The following KLRF1 variants were observed in gnomAD, a reference collection of about 807,000 sequenced individuals.
KLRF1 encodes the protein killer cell lectin like receptor F1, also known as killer cell lectin-like receptor subfamily F member 1.
KLRF1 carries 27 observed loss-of-function variants against 30.7 expected under a neutral mutation model. That is an observed-to-expected ratio of 0.88 (90% CI 0.65 to 1.21). The LOEUF is 1.21. Ranked by LOEUF, KLRF1 falls within the 50% of genes most tolerant of loss-of-function variation. KLRF1 has a pLI of 0.00. For synonymous variants in KLRF1, 92 were observed against 89.3 expected (o/e 1.03, Z -0.17); for missense variants, 246 against 259.3 (o/e 0.95, Z 0.35).
the KLRF1 span, among the ~76,000 whole-genome samples, chr12:9,801,300 A>G: frequency 1.3e-5 from 2 of 152,038 alleles, no homozygotes; most frequent in African/African-American, 2.4e-5. Flanking sequence ...TGGTGCTGCA[A>G]TAGACATATG....
chr12:9,828,594 T>C (rs115679623), intron 1 of KLRF1, among the ~76,000 whole-genome samples: 1,710 of 152,312 alleles, frequency 0.011, 31 homozygotes, highest in African/African-American at 0.039. Context: ...TTATAGAGAC[T>C]GTCTGTTCTG....
At chr12:9,826,941 T>C (rs1867292640), upstream of KLRF1, among the ~76,000 whole-genome samples, 1 of 151,980 alleles carries the variant, frequency 6.6e-6, no homozygotes, top group South Asian at 2.1e-4. Flanking sequence ...AATACCTGGG[T>C]GATGAAATAA....
intron 1 of KLRF1, among the ~76,000 whole-genome samples, chr12:9,829,147 G>A (rs1481134130): frequency 6.6e-6 from 1 of 152,100 alleles, no homozygotes; most frequent in Admixed American, 6.5e-5. Context: ...GTGATAGTAA[G>A]AAATTACATA....
At chr12:9,819,235 T>C in the KLRF1 span, among the ~76,000 whole-genome samples, 1 of 151,938 alleles carries the variant, frequency 6.6e-6, no homozygotes, top group Non-Finnish European at 1.5e-5. Flanking sequence ...CCAGCAAAAG[T>C]GGCTGGGAAT....
chr12:9,840,394 T>C (rs921785025), intron 3 of KLRF1, among the ~76,000 whole-genome samples: 1 of 152,118 alleles, frequency 6.6e-6, no homozygotes, highest in Admixed American at 6.6e-5. Context: ...AAGAGACAGA[T>C]TGTAATGGGC....
the KLRF1 span, among the ~76,000 whole-genome samples, chr12:9,805,898 G>C: frequency 1.3e-5 from 2 of 151,710 alleles, no homozygotes; most frequent in African/African-American, 4.8e-5. Context: ...TCCTGATTTT[G>C]GTGGTATTTT....
At chr12:9,842,581 G>T in intron 5 of KLRF1, 148 bp downstream of exon 5, 1 of 601,438 alleles carries the variant, frequency 1.7e-6, no homozygotes, top group South Asian at 4.5e-5. Context: ...GAGTAATGAT[G>T]GATAGTTTGA....
chr12:9,841,907 G>C lies in KLRF1; in HGVS notation c.430G>C (p.Glu144Gln). The change falls in exon 4 of 6, where the codon GAA (glutamate) becomes CAA (glutamine). Residue 144 changes from glutamate to glutamine, a missense_variant. Glu to Gln is a conservative substitution (Grantham distance 29). Transcript: ENST00000617889. ...SWSDSYVYCL[E>Q]RKSHLLIIHD... The stretch of plus-strand genomic sequence containing the variant: ...GAGTGACAGTTATGTGTATTGTTTG[G>C]AAAGAAAATCTCATCTACTAATCAT... The C allele has an allele frequency of 1.2e-6, 2 of 1,612,252 alleles. No homozygotes were observed. The highest frequency in any genetic ancestry group is 3.3e-5 in the Admixed American group (2 of 59,872).
chr12:9,844,569 T>G lies in KLRF1; in HGVS notation c.*43T>G, dbSNP rs1867772202. ...AGTGAAATAATCAATGATCACTATT[T>G]TTGGCCTATTAGTTTCTAATATTAA... On this transcript the variant is annotated 3_prime_UTR_variant, in exon 6 of 6. Coordinates refer to ENST00000617889, the MANE Select transcript of KLRF1 (RefSeq NM_016523.3). The G allele has an allele frequency of 1.8e-6, 2 of 1,116,228 alleles. No homozygotes were observed. Among genetic ancestry groups the G allele is most frequent in the Admixed American group, 1.9e-5 (1 of 52,310 alleles). The allele number at this position is 1,116,228 out of a possible 1,614,324, so 69.1% of individuals were successfully genotyped here.
chr12:9,831,387 T>C (rs766713704), intron 1 of KLRF1, among the ~76,000 whole-genome samples: 1 of 152,302 alleles, frequency 6.6e-6, no homozygotes, highest in Admixed American at 6.5e-5. Flanking sequence ...TGACAGGGCT[T>C]GACAGCGTCA....
At chr12:9,804,989 T>A in the KLRF1 span, among the ~76,000 whole-genome samples, 1 of 152,034 alleles carries the variant, frequency 6.6e-6, no homozygotes, top group African/African-American at 2.4e-5. Context: ...TGTGTAATAC[T>A]TTTTGTGTAT....
the KLRF1 span, among the ~76,000 whole-genome samples, chr12:9,810,784 T>A: frequency 6.6e-6 from 1 of 152,162 alleles, no homozygotes; most frequent in Non-Finnish European, 1.5e-5. Context: ...AAGTGAGAAT[T>A]TTTTTTATGA....
upstream of KLRF1, among the ~76,000 whole-genome samples, chr12:9,825,949 T>C (rs1867277160): frequency 6.6e-6 from 1 of 152,190 alleles, no homozygotes; most frequent in Non-Finnish European, 1.5e-5. Flanking sequence ...AAAGAAATTG[T>C]AATTATAAAT....
At chr12:9,819,610 C>T in the KLRF1 span, among the ~76,000 whole-genome samples, 1 of 152,156 alleles carries the variant, frequency 6.6e-6, no homozygotes, top group Non-Finnish European at 1.5e-5. Flanking sequence ...TCCACAACCA[C>T]CTCCACAAGT....
chr12:9,801,916 CTT>C, the KLRF1 span, among the ~76,000 whole-genome samples: 1 of 152,080 alleles, frequency 6.6e-6, no homozygotes, highest in African/African-American at 2.4e-5. Context: ...ATCATGAAGT[CTT>C]TGCCCATACC....
the KLRF1 span, among the ~76,000 whole-genome samples, chr12:9,820,845 C>G: frequency 1.3e-4 from 20 of 152,146 alleles, no homozygotes; most frequent in Admixed American, 2.0e-4. Flanking sequence ...CACACTGGCC[C>G]CTCCAGCACA....
chr12:9,835,043 C>T (rs991676456), intron 3 of KLRF1, among the ~76,000 whole-genome samples: 3 of 151,908 alleles, frequency 2.0e-5, no homozygotes, highest in African/African-American at 7.3e-5. Context: ...ATTCCAGTAC[C>T]GAGAGCAATA....
chr12:9,807,406 C>G, the KLRF1 span, among the ~76,000 whole-genome samples: 1 of 151,940 alleles, frequency 6.6e-6, no homozygotes, highest in Non-Finnish European at 1.5e-5. Flanking sequence ...ATCTTCATTT[C>G]TTTGTTTCTC....
At chr12:9,803,054 C>A in the KLRF1 span, among the ~76,000 whole-genome samples, 1 of 152,092 alleles carries the variant, frequency 6.6e-6, no homozygotes, top group Middle Eastern at 3.2e-3. Flanking sequence ...TACCTGACTT[C>A]AAAATATACT....
Sources: allele counts gnomAD v4.1 joint callset (sites outside exome capture counted in the v4.1 genomes callset), GRCh38; gene constraint gnomAD v4.1.1; transcripts MANE v1.5; gene names NCBI Gene and HGNC (gene_info 2026-07-23, HGNC 2026-07-21).